The following MEGF6 variants were observed in gnomAD, a reference collection of about 807,000 sequenced individuals.
The protein encoded by MEGF6 is multiple EGF like domains 6, also known as multiple epidermal growth factor-like domains protein 6.
A neutral mutation model predicts 207.1 loss-of-function variants in MEGF6; 184 were observed. The ratio of observed to expected loss-of-function variants is 0.89; its 90% confidence interval spans 0.79 to 1.00. MEGF6 has a LOEUF of 1.00. MEGF6 is among the 50% of genes least tolerant of loss of function. MEGF6 has a pLI of 0.00. For synonymous variants in MEGF6, 1,038 were observed against 910.0 expected (o/e 1.14, Z -2.53); for missense variants, 2,282 against 2,202.9 (o/e 1.04, Z -0.72).
chr1:3,510,322 C>G (rs1304697184), intron 10 of MEGF6, among the ~76,000 whole-genome samples: 1 of 152,144 alleles, frequency 6.6e-6, no homozygotes, highest in Non-Finnish European at 1.5e-5. Context: ...CAGGTCAGCA[C>G]AGCCCTCCAG....
intron 4 of MEGF6, among the ~76,000 whole-genome samples, chr1:3,540,092 C>T (rs2101494184): frequency 6.6e-6 from 1 of 152,358 alleles, no homozygotes; most frequent in Non-Finnish European, 1.5e-5. Flanking sequence ...CTCCAGGAAA[C>T]TGCCCCAGCG....
Position 3,501,920 on chromosome 1 carries a change from C to T in MEGF6, c.2190G>A (p.Glu730=). 1.2e-6 allele frequency: 2 copies of T among 1,601,218 alleles called. No homozygotes were observed. The highest frequency in any genetic ancestry group is 1.7e-6 in the Non-Finnish European group (2 of 1,174,362). The change falls in exon 18 of 37, where the codon GAG becomes GAA. Residue 730 remains glutamate (E), a splice_region_variant and synonymous_variant. Coordinates refer to ENST00000356575, the MANE Select transcript of MEGF6 (RefSeq NM_001409.4). ...TCACGCCAAACGTCCCCACCGGGCACTCTGCAGGAGAAAGCACGAGGGGCC... is the reference window on the plus strand; with the variant it reads ...TCACGCCAAACGTCCCCACCGGGCATTCTGCAGGAGAAAGCACGAGGGGCC... ...AGFQGEDCGQ[E]CPVGTFGVNC...
chr1:3,498,804 G>C lies in MEGF6; in HGVS notation c.3117C>G (p.Gly1039=). The C allele has an allele frequency of 6.4e-7, 1 of 1,554,304 alleles. No homozygotes were observed. The highest frequency in any genetic ancestry group is 1.4e-5 in the African/African-American group (1 of 73,510). The change falls in exon 25 of 37, where the codon GGC becomes GGG. Residue 1039 remains glycine (G), a synonymous_variant. Transcript: ENST00000356575. ...CLQACPAGLY[G]DNCRHSCLCQ... ...AGAGGCAGGAATGCCGACAGTTGTCGCCGTACAGGCCGGCAGGGCAGGCTG... is the reference window on the plus strand; with the variant it reads ...AGAGGCAGGAATGCCGACAGTTGTCCCCGTACAGGCCGGCAGGGCAGGCTG...
At chr1:3,546,816 T>C (rs12725647) in intron 4 of MEGF6, among the ~76,000 whole-genome samples, 683 of 34,890 alleles carry the variant, frequency 0.02, 12 homozygotes, top group Non-Finnish European at 0.028. Flanking sequence ...GAGGCCGAGG[T>C]GGGGTGGCAG....
Position 3,565,805 on chromosome 1 carries a change from G to T in MEGF6, c.481+14020C>A, listed in dbSNP as rs1373294804. Among the ~76,000 whole-genome samples the T allele has an allele frequency of 6.6e-6, 1 of 152,122 alleles. No individual in the cohort carries two copies. Among genetic ancestry groups the T allele is most frequent in the Non-Finnish European group, 1.5e-5 (1 of 68,008 alleles). ...AACAGAAGTGCGTGTGGACATCCAG[G>T]TGCCTTCCAACTCTGCTCCAGCCAC... On this transcript the variant is annotated intron_variant, in intron 4 of 36. Transcript: ENST00000356575. The surrounding 1 kb of genome is among the most constrained non-coding windows in gnomAD (Gnocchi z 4.8).
chr1:3,549,046 G>C (rs1642803514), intron 4 of MEGF6, among the ~76,000 whole-genome samples: 1 of 152,160 alleles, frequency 6.6e-6, no homozygotes, highest in African/African-American at 2.4e-5. Flanking sequence ...ACCCCGCCTT[G>C]GGTACCTGCG....
At chr1:3,544,222 C>T (rs567909137) in intron 4 of MEGF6, among the ~76,000 whole-genome samples, 1 of 151,086 alleles carries the variant, frequency 6.6e-6, no homozygotes, top group Admixed American at 6.6e-5. Flanking sequence ...CGGCATCAGG[C>T]TAACCCTCTC....
chr1:3,587,008 C>T (rs1171659638), intron 3 of MEGF6, among the ~76,000 whole-genome samples: 1 of 152,236 alleles, frequency 6.6e-6, no homozygotes, highest in East Asian at 1.9e-4. Flanking sequence ...AGGAGGAAGG[C>T]CACCACCCCC....
At chr1:3,527,001 G>A (rs1379778521) in intron 4 of MEGF6, among the ~76,000 whole-genome samples, 8 of 152,184 alleles carry the variant, frequency 5.3e-5, no homozygotes, top group Non-Finnish European at 8.8e-5. Flanking sequence ...ACAAGTCCTC[G>A]ACCGTGTGGG....
At chr1:3,502,336 T>TCCGCCA (rs1262210795) in intron 17 of MEGF6, among the ~76,000 whole-genome samples, 1 of 152,014 alleles carries the variant, frequency 6.6e-6, no homozygotes, top group Non-Finnish European at 1.5e-5. Flanking sequence ...CTGCTCTTCC[T>TCCGCCA]CCGCCACCGT....
At chr1:3,501,966 G>C in intron 17 of MEGF6, 45 bp from the exon 18 acceptor site, 2 of 1,509,908 alleles carry the variant, frequency 1.3e-6, no homozygotes, top group Non-Finnish European at 8.9e-7. Context: ...CACGTGGAGT[G>C]GACTGACCAG....
intron 7 of MEGF6, 136 bp downstream of exon 7, chr1:3,514,414 G>A: frequency 1.7e-6 from 2 of 1,159,990 alleles, no homozygotes; most frequent in Non-Finnish European, 2.3e-6. Context: ...CACATCCCAG[G>A]TCACCCAAGG....
intron 3 of MEGF6, among the ~76,000 whole-genome samples, chr1:3,581,522 G>T (rs1643798052): frequency 6.6e-6 from 1 of 152,238 alleles, no homozygotes; most frequent in African/African-American, 2.4e-5. Flanking sequence ...CCGGGGCCCA[G>T]TAACAGGAAA....
chr1:3,531,361 C>A, intron 4 of MEGF6: 12 of 1,186,952 alleles, frequency 1.0e-5, no homozygotes, highest in South Asian at 4.1e-5. Context: ...GGCGGGCGCG[C>A]AATCCCAGCC....
At chr1:3,564,375 T>C (rs555738756) in intron 4 of MEGF6, among the ~76,000 whole-genome samples, 8 of 151,450 alleles carry the variant, frequency 5.3e-5, no homozygotes, top group African/African-American at 1.5e-4. Context: ...AAGCGGGGGG[T>C]TGTCTTTAGC....
chr1:3,578,751 A>G (rs1354425239), intron 4 of MEGF6, among the ~76,000 whole-genome samples: 1 of 152,108 alleles, frequency 6.6e-6, no homozygotes, highest in African/African-American at 2.4e-5. Context: ...GCTGGCACCC[A>G]GCTCAGAACT....
Position 3,595,516 on chromosome 1 carries a change from C to T in MEGF6, c.267-69G>A, listed in dbSNP as rs1644049662. The T allele has an allele frequency of 3.1e-6, 4 of 1,310,990 alleles. No homozygotes were observed. In the Admixed American group the frequency reaches 6.9e-5, roughly 23 times the overall value. The allele number at this position is 1,310,990 out of a possible 1,614,324, so 81.2% of individuals were successfully genotyped here. On this transcript the variant is annotated intron_variant, in intron 2 of 36. Coordinates refer to ENST00000356575, the MANE Select transcript of MEGF6 (RefSeq NM_001409.4). ...GGCTGTATTCGGCTCTCACTGCACC[C>T]CTGGGGAGACTGACTCTGCGTCAGC...
At chr1:3,539,984 C>A (rs940128132) in intron 4 of MEGF6, among the ~76,000 whole-genome samples, 10 of 152,214 alleles carry the variant, frequency 6.6e-5, no homozygotes, top group Non-Finnish European at 1.3e-4. Flanking sequence ...CAAACCCAGG[C>A]CTTCTGGGCT....
intron 1 of MEGF6, among the ~76,000 whole-genome samples, chr1:3,605,027 C>T (rs945795095): frequency 2.6e-5 from 4 of 152,154 alleles, no homozygotes; most frequent in South Asian, 4.1e-4. Context: ...TGGATCACAT[C>T]CTCCCAGCAC....
Sources: allele counts gnomAD v4.1 joint callset (sites outside exome capture counted in the v4.1 genomes callset), GRCh38; gene constraint gnomAD v4.1.1; non-coding constraint Gnocchi (gnomAD v3.1); transcripts MANE v1.5; gene names NCBI Gene and HGNC (gene_info 2026-07-23, HGNC 2026-07-21).